The following LARP1 variants were observed in gnomAD, a reference collection of about 807,000 sequenced individuals.
LARP1 encodes la-related protein 1.
In LARP1, 36 loss-of-function variants were observed where a neutral mutation model predicts 122.7. The ratio of observed to expected loss-of-function variants is 0.29; its 90% CI spans 0.22 to 0.39. The LOEUF (loss-of-function observed/expected upper bound fraction) is 0.39, where lower values mean the gene tolerates loss of function less well. Among genes scored for constraint, LARP1 ranks in the 10% least tolerant of loss-of-function variants. The pLI, the probability that LARP1 is intolerant of heterozygous loss-of-function variation, is 1.00. For missense variants in LARP1, 1,040 were observed against 1,403.6 expected (o/e 0.74, Z 4.14); for synonymous variants, 539 against 528.7 (o/e 1.02, Z -0.27).
chr5:154,806,642 C>T (rs1355726721), intron 15 of LARP1, among the ~76,000 whole-genome samples: 1 of 152,194 alleles, frequency 6.6e-6, no homozygotes, highest in African/African-American at 2.4e-5. Flanking sequence ...TGTCCCTGCT[C>T]TTTTAGTATT....
chr5:154,805,864 T>G lies in LARP1; in HGVS notation c.2547-17T>G. 1 of 1,610,990 alleles carries G rather than the reference T, an allele frequency of 6.2e-7. No individual in the cohort carries two copies. Among genetic ancestry groups the G allele is most frequent in the Non-Finnish European group, 8.5e-7 (1 of 1,178,914 alleles). On this transcript the variant is annotated splice_polypyrimidine_tract_variant and intron_variant, in intron 14 of 18. Coordinates refer to ENST00000518297, the MANE Select transcript of LARP1 (RefSeq NM_033551.3). ...CTGTGGGGAACCTGGTGACAGTATT[T>G]TTTGTGGTTTCTGTAGCTCCAGCCC...
chr5:154,744,278 G>A (rs1259492300), intron 1 of LARP1, among the ~76,000 whole-genome samples: 1 of 152,166 alleles, frequency 6.6e-6, no homozygotes, highest in Non-Finnish European at 1.5e-5. Context: ...CCTCCAGGAA[G>A]GCTTCCCTGA....
chr5:154,790,972 C>T (rs750002437), intron 3 of LARP1, among the ~76,000 whole-genome samples: 19 of 152,044 alleles, frequency 1.2e-4, no homozygotes, highest in Non-Finnish European at 2.4e-4. Flanking sequence ...CGCTCACCAC[C>T]ATGACCGGCT....
intron 16 of LARP1, among the ~76,000 whole-genome samples, chr5:154,810,963 G>A (rs75240419): frequency 0.031 from 4,792 of 152,168 alleles, 105 homozygotes; most frequent in East Asian, 0.072. Flanking sequence ...ACTCAACTCC[G>A]TTCACTCTGT....
chr5:154,801,213 C>T (rs904676750), intron 10 of LARP1, among the ~76,000 whole-genome samples: 2 of 152,204 alleles, frequency 1.3e-5, no homozygotes, highest in Non-Finnish European at 2.9e-5. Context: ...GCTGAAGGCA[C>T]CGTGTTTTCT....
At position 154,790,305 on chromosome 5, in the gene LARP1, C is replaced by G. The variant is rs1357491047; in HGVS notation, c.437-20C>G. The G allele has an allele frequency of 1.2e-6, 2 of 1,609,672 alleles. No individual in the cohort carries two copies. Among genetic ancestry groups the G allele is most frequent in the African/African-American group, 1.3e-5 (1 of 74,832 alleles). On this transcript the variant is annotated intron_variant, in intron 1 of 18. Coordinates refer to ENST00000518297, the MANE Select transcript of LARP1 (RefSeq NM_033551.3). ...TCACATGGGCTTTGCATTACTAACT[C>G]TCCCTTCTTGTTCCCACAGAACACT...
At position 154,803,143 on chromosome 5, in the gene LARP1, G is replaced by A; in HGVS notation, c.2110-147G>A. 9.8e-7 allele frequency: 1 copy of A among 1,021,734 alleles called. No homozygotes were observed. Among genetic ancestry groups the A allele is most frequent in the African/African-American group, 1.6e-5 (1 of 63,232 alleles). The allele number at this position is 1,021,734 out of a possible 1,614,324, so 63.3% of individuals were successfully genotyped here. A position where few individuals can be genotyped will look rare whatever the true frequency, so the allele number is the denominator to read the frequency against. On this transcript the variant is annotated intron_variant, in intron 11 of 18. Transcript: ENST00000518297. The surrounding 1 kb of genome is among the most constrained non-coding windows in gnomAD (Gnocchi z 4.4). The stretch of plus-strand genomic sequence containing the variant: ...GTAACTGGGGTGAGGAATGGTGACT[G>A]GGCAGCTGAGAGCCTGGGGACCAGA...
At chr5:154,745,961 A>G (rs1753173507) in intron 1 of LARP1, among the ~76,000 whole-genome samples, 1 of 151,998 alleles carries the variant, frequency 6.6e-6, no homozygotes, top group African/African-American at 2.4e-5. Context: ...ACGCCCAGTT[A>G]ACTTTTGTAT....
intron 1 of LARP1, among the ~76,000 whole-genome samples, chr5:154,786,876 GTTTTC>G (rs1027982970): frequency 2.0e-5 from 3 of 150,428 alleles, no homozygotes; most frequent in East Asian, 2.0e-4. Flanking sequence ...TTCTATGATT[GTTTTC>G]TTTTTTTTTT....
intron 1 of LARP1, among the ~76,000 whole-genome samples, chr5:154,770,769 C>G (rs1168201409): frequency 6.6e-6 from 1 of 152,170 alleles, no homozygotes; most frequent in Non-Finnish European, 1.5e-5. Flanking sequence ...TTTAGTCCCA[C>G]TCTCTAGTTT....
At position 154,814,337 on chromosome 5, in the gene LARP1, A is replaced by AGG. The variant is rs1377184419; in HGVS notation, c.*246_*247dup. 1 of 368,258 alleles carries AGG rather than the reference A, an allele frequency of 2.7e-6. No homozygotes were observed. Among genetic ancestry groups the AGG allele is most frequent in the African/African-American group, 2.1e-5 (1 of 48,536 alleles). 22.8% of individuals were successfully genotyped at this position (368,258 alleles called of 1,614,324 possible). ...ACTCTTGACATCCTAGCTTCTTCTA[A>AGG]GGGGGGAGGGAAAGGGGGGAGATTT... On this transcript the variant is annotated 3_prime_UTR_variant, in exon 19 of 19. Transcript: ENST00000518297.
chr5:154,788,912 G>T (rs929718948), intron 1 of LARP1, among the ~76,000 whole-genome samples: 5 of 152,126 alleles, frequency 3.3e-5, no homozygotes, highest in Non-Finnish European at 7.4e-5. Flanking sequence ...TTTACAAGAA[G>T]GATTTTTAAA....
chr5:154,723,788 T>G (rs1022206388), intron 1 of LARP1, among the ~76,000 whole-genome samples: 2 of 152,150 alleles, frequency 1.3e-5, no homozygotes, highest in South Asian at 2.1e-4. Context: ...CTGTCTTTAT[T>G]TGGATTCTGT....
chr5:154,717,928 CTTTT>C (rs1755613314), intron 1 of LARP1, among the ~76,000 whole-genome samples: 1 of 151,864 alleles, frequency 6.6e-6, no homozygotes, highest in Admixed American at 6.6e-5. Flanking sequence ...TTTCTTTTTT[CTTTT>C]TAAGAGTCAG....
intron 1 of LARP1, among the ~76,000 whole-genome samples, chr5:154,778,258 TA>T (rs577057003): frequency 0.063 from 7,588 of 119,678 alleles, 349 homozygotes; most frequent in African/African-American, 0.15. Context: ...AGACTCCGTC[TA>T]AAAAAAAAAA....
Position 154,785,170 on chromosome 5 carries a change from C to G in LARP1, c.437-5155C>G, listed in dbSNP as rs546299888. Among the ~76,000 whole-genome samples, 11 of 152,324 alleles carry G rather than the reference C, an allele frequency of 7.2e-5. No homozygotes were observed. In the South Asian group the frequency reaches 2.3e-3, roughly 32 times the overall value. On this transcript the variant is annotated intron_variant, in intron 1 of 18. Coordinates refer to ENST00000518297, the MANE Select transcript of LARP1 (RefSeq NM_033551.3). Reference sequence around the variant, plus strand: ...TTCCTCTTTCCTGGGGAAACTTGCCCTGGGGCCCAGGTGCCTCCTGTCTCT... The same window carrying G: ...TTCCTCTTTCCTGGGGAAACTTGCCGTGGGGCCCAGGTGCCTCCTGTCTCT...
At chr5:154,736,801 T>C (rs1368786990) in intron 1 of LARP1, among the ~76,000 whole-genome samples, 1 of 149,386 alleles carries the variant, frequency 6.7e-6, no homozygotes, top group African/African-American at 2.5e-5. Context: ...CCTGTCCTCA[T>C]GTGATCAGCC....
At chr5:154,793,349 G>C (rs39953) in intron 4 of LARP1, among the ~76,000 whole-genome samples, 1 of 152,148 alleles carries the variant, frequency 6.6e-6, no homozygotes, top group Non-Finnish European at 1.5e-5. Flanking sequence ...GACTCCAGAA[G>C]GGGATTCTGT....
At chr5:154,711,459 T>A (rs1407134590), upstream of LARP1, among the ~76,000 whole-genome samples, 4 of 152,082 alleles carry the variant, frequency 2.6e-5, no homozygotes, top group African/African-American at 7.2e-5. Flanking sequence ...ACTCTTAAAA[T>A]CATAGTTCCT....
Sources: gnomAD v4.1 joint callset for allele counts (sites outside exome capture counted in the v4.1 genomes callset) on GRCh38, gnomAD v4.1.1 for gene constraint, Gnocchi (gnomAD v3.1) non-coding constraint, MANE v1.5 for transcripts, NCBI Gene and HGNC (gene_info 2026-07-23, HGNC 2026-07-21) for gene names.